The following CDR2L variants were observed in gnomAD, a reference collection of about 807,000 sequenced individuals.
CDR2L encodes the protein cerebellar degeneration related protein 2 like.
A neutral mutation model predicts 36.1 loss-of-function variants in CDR2L; 19 were observed. The observed-to-expected ratio is 0.53, with a 90% confidence interval of 0.37 to 0.77. CDR2L has a LOEUF of 0.77. Among genes scored for constraint, CDR2L ranks in the 30% least tolerant of loss-of-function variants. The pLI is 0.00. For missense variants in CDR2L, 575 were observed against 627.2 expected, an observed-to-expected ratio of 0.92 and a Z score of 0.89; for synonymous variants, 285 against 280.4, an observed-to-expected ratio of 1.02 and a Z score of -0.16.
chr17:74,998,958 G>A (rs922164823), intron 1 of CDR2L, among the ~76,000 whole-genome samples: 1 of 152,202 alleles, frequency 6.6e-6, no homozygotes, highest in East Asian at 1.9e-4. Context: ...CCAGCAGCCT[G>A]TTGATAAGCT....
rs367710498 is a variant in CDR2L at position 75,001,368 on chromosome 17, C to T, written c.220C>T (p.Arg74Trp). 8.7e-6 allele frequency: 14 copies of T among 1,609,994 alleles called. No homozygotes were observed. The Middle Eastern group carries it at 1.2e-3, about 133-fold the overall frequency. ...CCTAACCAAGCAGCTGGACACGCTG[C>T]GGCACGTGAACGAGCAGCACGCCAA... ...EYLTKQLDTLRHVNEQHAKVY... is the reference protein window; with the variant it reads ...EYLTKQLDTLWHVNEQHAKVY... Residue 74 changes from arginine (R) to tryptophan (W), a missense_variant, in exon 3 of 5, where the codon CGG becomes TGG. By Grantham distance (101) the Arg-to-Trp change is moderately radical. Coordinates refer to ENST00000337231, the MANE Select transcript of CDR2L (RefSeq NM_014603.3).
rs539663936 is a variant in CDR2L at position 75,002,334 on chromosome 17, G to A, written c.506+106G>A. ...GGTGCATCATCCAGGCCATCAGAGA[G>A]ACTGGTCCTGTTGCTAATGACAGTC... On this transcript the variant is annotated intron_variant, in intron 4 of 4. Transcript: ENST00000337231. The surrounding 1 kb of genome is among the most constrained non-coding windows in gnomAD (Gnocchi z 4.1). 6.5e-5 allele frequency: 65 copies of A among 994,398 alleles called. 1 individual carries two copies. In the South Asian group the frequency reaches 9.7e-4, roughly 15 times the overall value. The allele number at this position is 994,398 out of a possible 1,614,324, so 61.6% of individuals were successfully genotyped here. A position where few individuals can be genotyped will look rare whatever the true frequency, so the allele number is the denominator to read the frequency against.
chr17:74,999,169 G>GT (rs2039847977), intron 1 of CDR2L, among the ~76,000 whole-genome samples: 1 of 152,176 alleles, frequency 6.6e-6, no homozygotes, highest in Admixed American at 6.5e-5. Context: ...ACAGCATTTT[G>GT]TATTTGTTCC....
At chr17:75,000,835 G>A (rs372652937) in intron 2 of CDR2L, among the ~76,000 whole-genome samples, 5 of 149,202 alleles carry the variant, frequency 3.4e-5, no homozygotes, top group South Asian at 2.1e-4. Context: ...AATGGTTGGC[G>A]TGAACCCAAG....
chr17:75,003,110 C>A (rs181306449), intron 4 of CDR2L, 73 bp from the exon 5 acceptor site: 1 of 1,479,990 alleles, frequency 6.8e-7, no homozygotes, highest in Non-Finnish European at 9.1e-7. Flanking sequence ...CTGGGCTGCT[C>A]GGCCTTGGCC....
At position 74,999,325 on chromosome 17, in the gene CDR2L, C is replaced by CAA. The variant is rs1555635972; in HGVS notation, c.80-175_80-174dup. On this transcript the variant is annotated intron_variant, in intron 1 of 4. Transcript: ENST00000337231. ...ACACACACACACACACAGACACACA[C>CAA]AAAAAGAACATTCCAGGCAGAAATA... Among the ~76,000 whole-genome samples, 344 of 151,090 alleles carry CAA rather than the reference C, an allele frequency of 2.3e-3. 8 individuals are homozygous for CAA. The East Asian group carries it at 0.045, about 20-fold the overall frequency.
chr17:75,004,351 GC>G lies in CDR2L; in HGVS notation c.*281del. 1 of 372,070 alleles carries G rather than the reference GC, an allele frequency of 2.7e-6. No individual in the cohort carries two copies. The allele number at this position is 372,070 out of a possible 1,614,324, so 23.0% of individuals were successfully genotyped here. The stretch of plus-strand genomic sequence containing the variant: ...CCCCAGGGATCCCCCAGCTCCCCCA[GC>G]CCCTGGCTTCCTGACCCTGCGCCTC... On this transcript the variant is annotated 3_prime_UTR_variant, in exon 5 of 5. Transcript: ENST00000337231.
At chr17:74,998,435 G>A (rs185068025) in intron 1 of CDR2L, among the ~76,000 whole-genome samples, 1 of 151,460 alleles carries the variant, frequency 6.6e-6, no homozygotes, top group African/African-American at 2.4e-5. Context: ...GAGGAAGATC[G>A]TTGAGCCCAG....
At position 75,001,331 on chromosome 17, in the gene CDR2L, C is replaced by A. The variant is rs779354497; in HGVS notation, c.193-10C>A. On this transcript the variant is annotated splice_polypyrimidine_tract_variant and intron_variant, in intron 2 of 4. Coordinates refer to ENST00000337231, the MANE Select transcript of CDR2L (RefSeq NM_014603.3). ...TTCTAAAAAGTTACTCAATGTCCTT[C>A]CACCCCCAGTACCTAACCAAGCAGC... is the stretch of plus-strand genomic sequence containing the variant. 1 of 1,594,336 alleles carries A rather than the reference C, an allele frequency of 6.3e-7. No homozygotes were observed. The highest frequency in any genetic ancestry group is 8.5e-7 in the Non-Finnish European group (1 of 1,171,324).
rs1268286420 is a variant in CDR2L, at chr17:74,999,617, G to C, written c.192+1G>C. Reference sequence around the variant, plus strand: ...TGAGGAACAGGTGCAGGAGATCGAGGTGAGGGCCCTGCATGTGCTTGCCCA... The same window carrying C: ...TGAGGAACAGGTGCAGGAGATCGAGCTGAGGGCCCTGCATGTGCTTGCCCA... On this transcript the variant is annotated splice_donor_variant, in intron 2 of 4. Transcript: ENST00000337231. LOFTEE classifies it high-confidence loss of function. 2 of 1,546,190 alleles carry C rather than the reference G, an allele frequency of 1.3e-6. No individual in the cohort carries two copies. The highest frequency in any genetic ancestry group is 1.8e-6 in the Non-Finnish European group (2 of 1,138,982).
In CDR2L at chr17:75,001,408, T is replaced by C; in HGVS notation, c.260T>C (p.Leu87Pro). Residue 87 changes from leucine (L) to proline (P), a missense_variant, in exon 3 of 5, where the codon CTG becomes CCG. By Grantham distance (98) the Leu-to-Pro change is moderately conservative. Coordinates refer to ENST00000337231, the MANE Select transcript of CDR2L (RefSeq NM_014603.3). ...NEQHAKVYEQLDLTARDLELT... is the reference protein window; with the variant it reads ...NEQHAKVYEQPDLTARDLELT... ...CAGCACGCCAAAGTCTATGAGCAGC[T>C]GGACCTGACAGCCCGGGACCTGGAG... The C allele has an allele frequency of 6.2e-7, 1 of 1,611,044 alleles. No individual in the cohort carries two copies. Among genetic ancestry groups the C allele is most frequent in the Non-Finnish European group, 8.5e-7 (1 of 1,178,966 alleles).
intron 1 of CDR2L, 58 bp from the exon 2 acceptor site, chr17:74,999,446 G>A (rs1296244156): frequency 7.4e-6 from 9 of 1,215,068 alleles, no homozygotes; most frequent in East Asian, 5.1e-5. Flanking sequence ...GTAGATGCTC[G>A]GAACATGAAT....
rs1345873117 is a variant in CDR2L, at chr17:75,003,459, G to C, written c.783G>C (p.Lys261Asn). ...LLELQQMKQA[K>N]TYLLGPDDHL... ...AGCTGCAGCAGATGAAGCAGGCCAA[G>C]ACCTACCTACTGGGTCCGGACGACC... is the stretch of plus-strand genomic sequence containing the variant. Residue 261 changes from lysine to asparagine, a missense_variant, in exon 5 of 5, where the codon AAG becomes AAC. Coordinates refer to ENST00000337231, the MANE Select transcript of CDR2L (RefSeq NM_014603.3). The C allele has an allele frequency of 2.5e-6, 4 of 1,577,428 alleles. No individual in the cohort carries two copies. The Admixed American group carries it at 5.5e-5, about 22-fold the overall frequency.
At chr17:75,001,105 G>A (rs1333422862) in intron 2 of CDR2L, among the ~76,000 whole-genome samples, 1 of 151,742 alleles carries the variant, frequency 6.6e-6, no homozygotes, top group Non-Finnish European at 1.5e-5. Context: ...ATGGTGGCAG[G>A]CACCTATAGT....
At position 74,999,325 on chromosome 17, in the gene CDR2L, C is replaced by CACACACAAAAA. The variant is rs368672422; in HGVS notation, c.80-178_80-177insCACACAAAAAA. ...ACACACACACACACACAGACACACACAAAAAGAACATTCCAGGCAGAAATA... is the reference window on the plus strand; with the variant it reads ...ACACACACACACACACAGACACACACACACACAAAAAAAAAAGAACATTCCAGGCAGAAATA... On this transcript the variant is annotated intron_variant, in intron 1 of 4. Transcript: ENST00000337231. Among the ~76,000 whole-genome samples the CACACACAAAAA allele has an allele frequency of 2.6e-5, 4 of 151,094 alleles. No individual in the cohort carries two copies. In the East Asian group the frequency reaches 8.1e-4, roughly 30 times the overall value.
chr17:75,003,038 G>C, intron 4 of CDR2L, 145 bp from the exon 5 acceptor site: 1 of 817,814 alleles, frequency 1.2e-6, no homozygotes, highest in Non-Finnish European at 1.9e-6. Context: ...GGAGGGTGGA[G>C]AGCCAACGGA....
Position 75,003,616 on chromosome 17 carries a change from C to A in CDR2L, c.940C>A (p.Arg314Ser), listed in dbSNP as rs766199996. The change falls in exon 5 of 5, where the codon CGC becomes AGC. Residue 314 changes from arginine (R) to serine (S), a missense_variant. Coordinates refer to ENST00000337231, the MANE Select transcript of CDR2L (RefSeq NM_014603.3). ...GGCAGCCTCTCCAGGCCACGTGGTG[C>A]GCAAGAGCTGCAGCGACACTGCGCT... is the stretch of plus-strand genomic sequence containing the variant. ...SPAASPGHVVRKSCSDTALNA... is the reference protein window; with the variant it reads ...SPAASPGHVVSKSCSDTALNA... 12 of 1,482,494 alleles carry A rather than the reference C, an allele frequency of 8.1e-6. No individual in the cohort carries two copies. Among genetic ancestry groups the A allele is most frequent in the Admixed American group, 5.0e-5 (2 of 39,748 alleles). 91.8% of individuals were successfully genotyped at this position (1,482,494 alleles called of 1,614,324 possible).
In CDR2L at chr17:75,002,156, T is replaced by C. The variant is rs770704142; in HGVS notation, c.434T>C (p.Leu145Pro). The C allele has an allele frequency of 3.7e-6, 6 of 1,607,256 alleles. No homozygotes were observed. Among genetic ancestry groups the C allele is most frequent in the Non-Finnish European group, 4.2e-6 (5 of 1,177,268 alleles). Residue 145 changes from leucine (L) to proline (P), a missense_variant, in exon 4 of 5, where the codon CTC (leucine) becomes CCC (proline). Coordinates refer to ENST00000337231, the MANE Select transcript of CDR2L (RefSeq NM_014603.3). This position sits in a 1 kb window ranked among gnomAD's most constrained non-coding sequence, Gnocchi z 4.1. Reference protein sequence around the residue: ...QLRGLEQLRVLREKRERRRTI... With the variant: ...QLRGLEQLRVPREKRERRRTI... ...AGAGGCCTGGAACAGCTGCGAGTGCTCCGGGAGAAGCGGGAACGCAGGCGT... is the reference window on the plus strand; with the variant it reads ...AGAGGCCTGGAACAGCTGCGAGTGCCCCGGGAGAAGCGGGAACGCAGGCGT...
chr17:74,994,844 G>A (rs889991556), intron 1 of CDR2L, among the ~76,000 whole-genome samples: 2 of 151,970 alleles, frequency 1.3e-5, no homozygotes, highest in Non-Finnish European at 2.9e-5. Flanking sequence ...GCTGAAGTGG[G>A]CGGATCACGA....
Sources: gnomAD v4.1 joint callset for allele counts (sites outside exome capture counted in the v4.1 genomes callset) on GRCh38, gnomAD v4.1.1 for gene constraint, Gnocchi (gnomAD v3.1) non-coding constraint, MANE v1.5 for transcripts, NCBI Gene and HGNC (gene_info 2026-07-23, HGNC 2026-07-21) for gene names.